Variants in POGZ observed in about 807,000 individuals in gnomAD.
POGZ encodes pogo transposable element derived with ZNF domain.
POGZ carries 17 observed loss-of-function variants against 134.6 expected under a neutral mutation model. That is an observed-to-expected ratio of 0.13 (90% CI 0.09 to 0.19). The LOEUF (loss-of-function observed/expected upper bound fraction) is 0.19, where lower values mean the gene tolerates loss of function less well. Among genes scored for constraint, POGZ ranks in the 10% least tolerant of loss-of-function variants. The probability of loss-of-function intolerance (pLI) is 1.00; values close to 1 mark genes in which losing one functional copy is unlikely to be tolerated. For synonymous variants in POGZ, 693 were observed against 657.1 expected (o/e 1.05, Z -0.84); for missense variants, 1,306 against 1,769.7 (o/e 0.74, Z 4.70).
At chr1:151,443,274 T>G (rs1453939754) in intron 1 of POGZ, among the ~76,000 whole-genome samples, 1 of 152,214 alleles carries the variant, frequency 6.6e-6, no homozygotes, top group Non-Finnish European at 1.5e-5. Context: ...GAACCTTACT[T>G]GTCATACTCT....
intron 3 of POGZ, chr1:151,438,868 T>A (rs1660058595): frequency 6.7e-6 from 1 of 149,970 alleles, no homozygotes; most frequent in Non-Finnish European, 1.5e-5. Flanking sequence ...CAAAGTGAGA[T>A]CCCGTCTCAG....
At chr1:151,452,913 T>C (rs932507755) in intron 1 of POGZ, among the ~76,000 whole-genome samples, 2 of 151,706 alleles carry the variant, frequency 1.3e-5, no homozygotes, top group Non-Finnish European at 2.9e-5. Context: ...AAGTGTTCCT[T>C]GTAGAATTCT....
chr1:151,419,065 T>TA (rs1247361646), intron 10 of POGZ, among the ~76,000 whole-genome samples: 1 of 148,558 alleles, frequency 6.7e-6, no homozygotes, highest in Non-Finnish European at 1.5e-5. Context: ...GAAAAAAAGT[T>TA]ACTTTCGACC....
At chr1:151,437,753 A>G (rs546199886) in intron 3 of POGZ, among the ~76,000 whole-genome samples, 1 of 152,338 alleles carries the variant, frequency 6.6e-6, no homozygotes, top group East Asian at 1.9e-4. Flanking sequence ...CTCTGTCTCA[A>G]AAAAACAAAC....
chr1:151,443,551 C>A (rs923734845), intron 1 of POGZ, among the ~76,000 whole-genome samples: 3 of 151,982 alleles, frequency 2.0e-5, no homozygotes, highest in African/African-American at 7.3e-5. Context: ...CCCATCTCTA[C>A]TAAAAACATA....
chr1:151,422,880 C>T (rs1657171500), intron 10 of POGZ, among the ~76,000 whole-genome samples: 1 of 152,158 alleles, frequency 6.6e-6, no homozygotes, highest in African/African-American at 2.4e-5. Flanking sequence ...GCGTGAGCCA[C>T]CGTGCCCGGC....
At chr1:151,427,769 C>T in intron 7 of POGZ, 54 bp downstream of exon 7, 1 of 1,149,856 alleles carries the variant, frequency 8.7e-7, no homozygotes, top group African/African-American at 1.5e-5. Flanking sequence ...ACAACAAACA[C>T]TTTATTAATG....
intron 1 of POGZ, among the ~76,000 whole-genome samples, chr1:151,450,176 T>A (rs1661870543): frequency 6.9e-6 from 1 of 145,610 alleles, no homozygotes; most frequent in South Asian, 2.2e-4. Flanking sequence ...GGACTACAGG[T>A]GCCCACCACC....
intron 10 of POGZ, among the ~76,000 whole-genome samples, chr1:151,414,980 C>A (rs1655370432): frequency 6.6e-6 from 1 of 152,138 alleles, no homozygotes; most frequent in Non-Finnish European, 1.5e-5. Flanking sequence ...TCCCTCTGAG[C>A]ACCATCACCC....
intron 1 of POGZ, among the ~76,000 whole-genome samples, chr1:151,458,065 G>C (rs1165471115): frequency 6.6e-6 from 1 of 152,028 alleles, no homozygotes; most frequent in Non-Finnish European, 1.5e-5. Context: ...CTGCATCTTA[G>C]TTTCCATTTC....
intron 1 of POGZ, among the ~76,000 whole-genome samples, chr1:151,450,559 C>G (rs1661920297): frequency 6.6e-6 from 1 of 151,680 alleles, no homozygotes; most frequent in Non-Finnish European, 1.5e-5. Flanking sequence ...TGCCATATTG[C>G]CCAGGCTGGT....
intron 4 of POGZ, among the ~76,000 whole-genome samples, chr1:151,430,184 C>G (rs1254033908): frequency 1.3e-5 from 2 of 152,182 alleles, no homozygotes; most frequent in African/African-American, 2.4e-5. Flanking sequence ...CAAAGAGAAG[C>G]ATTTGCCTTT....
chr1:151,451,147 A>T (rs1315833826), intron 1 of POGZ: 3 of 152,142 alleles, frequency 2.0e-5, no homozygotes, highest in African/African-American at 7.2e-5. Context: ...CCTCAAAGGG[A>T]AAGAAAAAAG....
At position 151,445,140 on chromosome 1, in the gene POGZ, T is replaced by C. The variant is rs372056320; in HGVS notation, c.-1-2935A>G. Among the ~76,000 whole-genome samples the C allele has an allele frequency of 7.5e-4, 115 of 152,322 alleles. 3 individuals carry two copies. In the South Asian group the frequency reaches 0.023, roughly 31 times the overall value. Reference sequence around the variant, plus strand: ...AAAGATGTTTATGTCCTAACTACTTTTTAATCAAGTGAGAAAAATATCTCT... The same window carrying C: ...AAAGATGTTTATGTCCTAACTACTTCTTAATCAAGTGAGAAAAATATCTCT... On this transcript the variant is annotated intron_variant, in intron 1 of 18. Coordinates refer to ENST00000271715, the MANE Select transcript of POGZ (RefSeq NM_015100.4).
At chr1:151,445,690 T>C (rs1661170026) in intron 1 of POGZ, among the ~76,000 whole-genome samples, 1 of 152,232 alleles carries the variant, frequency 6.6e-6, no homozygotes, top group Middle Eastern at 3.4e-3. Flanking sequence ...CTGAACATAT[T>C]TCACAGACTT....
intron 10 of POGZ, among the ~76,000 whole-genome samples, chr1:151,415,547 T>C (rs1377530136): frequency 6.6e-6 from 1 of 151,580 alleles, no homozygotes; most frequent in Admixed American, 6.6e-5. Context: ...GGTGGGTGCC[T>C]GTAGTCCCAG....
At chr1:151,439,943 T>A (rs564922592) in intron 3 of POGZ, among the ~76,000 whole-genome samples, 1 of 152,270 alleles carries the variant, frequency 6.6e-6, no homozygotes, top group East Asian at 1.9e-4. Context: ...GTTAATCAAA[T>A]AATGGGAAAT....
intron 3 of POGZ, among the ~76,000 whole-genome samples, chr1:151,432,209 CAA>C (rs1557918958): frequency 6.6e-6 from 1 of 151,986 alleles, no homozygotes. Context: ...AACAAAAAAC[CAA>C]AGAGTCAAGC....
Position 151,459,170 on chromosome 1 carries a change from C to T in POGZ, c.-20G>A, listed in dbSNP as rs1316678371. On this transcript the variant is annotated 5_prime_UTR_variant, in exon 1 of 19. Coordinates refer to ENST00000271715, the MANE Select transcript of POGZ (RefSeq NM_015100.4). ...CACTCACCTCCTGTGGTCGTCGCCGCCGGTAGTCTGACCCGAGGAAGGCGC... is the reference window on the plus strand; with the variant it reads ...CACTCACCTCCTGTGGTCGTCGCCGTCGGTAGTCTGACCCGAGGAAGGCGC... 1.3e-5 allele frequency: 2 copies of T among 151,620 alleles called. No individual in the cohort carries two copies. The highest frequency in any genetic ancestry group is 2.4e-5 in the African/African-American group (1 of 41,312). 9.4% of individuals were successfully genotyped at this position (151,620 alleles called of 1,614,324 possible). A position where few individuals can be genotyped will look rare whatever the true frequency, so the allele number is the denominator to read the frequency against.
Sources: gnomAD v4.1 joint callset for allele counts (sites outside exome capture counted in the v4.1 genomes callset) on GRCh38, gnomAD v4.1.1 for gene constraint, MANE v1.5 for transcripts, NCBI Gene and HGNC (gene_info 2026-07-23, HGNC 2026-07-21) for gene names.